The following COL14A1 variants were observed in gnomAD, a reference collection of about 807,000 sequenced individuals.
The protein encoded by COL14A1 is collagen type XIV alpha 1 chain.
In COL14A1, 136 loss-of-function variants were observed where a neutral mutation model predicts 230.3. That is an observed-to-expected ratio of 0.59 (90% CI 0.51 to 0.68). COL14A1 has a LOEUF of 0.68. Among genes scored for constraint, COL14A1 ranks in the 30% least tolerant of loss-of-function variants. COL14A1 has a pLI of 0.00. For synonymous variants in COL14A1, 792 were observed against 784.1 expected (o/e 1.01, Z -0.17); for missense variants, 1,976 against 2,215.8 (o/e 0.89, Z 2.17).
At chr8:120,173,564 C>CATCTATCTATCTATCTATCTATCTATCT (rs71306871) in intron 5 of COL14A1, among the ~76,000 whole-genome samples, 9,459 of 149,180 alleles carry the variant, frequency 0.063, 432 homozygotes, top group East Asian at 0.13. Flanking sequence ...AGCAATCAAT[C>CATCTATCTATCTATCTATCTATCTATCT]ATCTATCTAT....
intron 5 of COL14A1, among the ~76,000 whole-genome samples, chr8:120,176,583 A>G (rs542384158): frequency 6.6e-6 from 1 of 152,206 alleles, no homozygotes; most frequent in East Asian, 1.9e-4. Context: ...TAAAAATGGG[A>G]CTGTTAGGGT....
intron 14 of COL14A1, 104 bp from the exon 15 acceptor site, chr8:120,224,984 T>A (rs1818049346): frequency 9.9e-7 from 1 of 1,014,992 alleles, no homozygotes; most frequent in Middle Eastern, 3.3e-4. Flanking sequence ...TGTTTTGCAG[T>A]GTTTATAGCT....
chr8:120,222,986 T>A (rs1011751298), intron 14 of COL14A1, among the ~76,000 whole-genome samples: 1 of 152,184 alleles, frequency 6.6e-6, no homozygotes, highest in African/African-American at 2.4e-5. Context: ...GAGGTGATAG[T>A]TAAGCATAGT....
chr8:120,371,072 C>T, intron 47 of COL14A1, 80 bp from the exon 48 acceptor site: 1 of 1,266,244 alleles, frequency 7.9e-7, no homozygotes, highest in Non-Finnish European at 1.1e-6. Flanking sequence ...CTCTGTGTCT[C>T]TAAGGACCCA....
intron 5 of COL14A1, among the ~76,000 whole-genome samples, chr8:120,185,650 T>C (rs1227628737): frequency 6.6e-6 from 1 of 152,056 alleles, no homozygotes; most frequent in Non-Finnish European, 1.5e-5. Context: ...GGTAACAGAG[T>C]GAGACCCTGT....
chr8:120,216,635 A>G (rs1817759952), intron 14 of COL14A1, 145 bp downstream of exon 14: 4 of 859,890 alleles, frequency 4.7e-6, no homozygotes, highest in Non-Finnish European at 6.7e-6. Context: ...TAGGTCAGGA[A>G]TTGGGGTGTG....
At chr8:120,330,310 C>T (rs1821820218) in intron 40 of COL14A1, among the ~76,000 whole-genome samples, 1 of 152,144 alleles carries the variant, frequency 6.6e-6, no homozygotes, top group African/African-American at 2.4e-5. Flanking sequence ...CCTCCACACT[C>T]GTCCTACCCC....
intron 5 of COL14A1, among the ~76,000 whole-genome samples, chr8:120,169,280 A>G (rs1816025137): frequency 6.6e-6 from 1 of 152,216 alleles, no homozygotes; most frequent in African/African-American, 2.4e-5. Flanking sequence ...AGATTGCCAA[A>G]TTGATAGATG....
intron 23 of COL14A1, among the ~76,000 whole-genome samples, chr8:120,260,928 G>A (rs1272349850): frequency 2.0e-5 from 3 of 152,104 alleles, no homozygotes; most frequent in African/African-American, 4.8e-5. Flanking sequence ...TTAAAGCAAC[G>A]TCCTCTGAAA....
intron 5 of COL14A1, among the ~76,000 whole-genome samples, chr8:120,191,945 A>C (rs1001427365): frequency 6.6e-5 from 10 of 151,916 alleles, no homozygotes; most frequent in African/African-American, 2.2e-4. Flanking sequence ...ATGTCTCTGC[A>C]CGTGAGATGG....
At chr8:120,323,491 C>T (rs1159547215) in intron 40 of COL14A1, among the ~76,000 whole-genome samples, 5 of 151,976 alleles carry the variant, frequency 3.3e-5, no homozygotes, top group South Asian at 2.1e-4. Context: ...AATCTTTGCC[C>T]GCTCCTATGT....
intron 14 of COL14A1, 90 bp from the exon 15 acceptor site, chr8:120,224,998 C>A: frequency 8.1e-7 from 1 of 1,240,474 alleles, no homozygotes; most frequent in Non-Finnish European, 1.1e-6. Flanking sequence ...TATAGCTTTG[C>A]TGTCAGCTAA....
chr8:120,264,883 CT>C (rs1279831251), intron 24 of COL14A1, among the ~76,000 whole-genome samples: 5 of 152,138 alleles, frequency 3.3e-5, no homozygotes, highest in Admixed American at 1.3e-4. Flanking sequence ...TTTAGGACCC[CT>C]GATCTACTTT....
At chr8:120,293,930 A>G (rs942744969) in intron 34 of COL14A1, among the ~76,000 whole-genome samples, 1 of 151,884 alleles carries the variant, frequency 6.6e-6, no homozygotes, top group African/African-American at 2.4e-5. Context: ...CAATAAATTG[A>G]TTGAAAACAA....
rs1427656323 is a variant in COL14A1, at chr8:120,168,234, A to T, written c.423A>T (p.Pro141=). Residue 141 remains proline, a synonymous_variant, in exon 5 of 48, where the codon CCA becomes CCT. Coordinates refer to ENST00000297848, the MANE Select transcript of COL14A1 (RefSeq NM_021110.4). The stretch of plus-strand genomic sequence containing the variant: ...TGGACAGAGGAAATGGGAGTAGACC[A>T]TCTTCACCAGAAGGTCAGAGACGAT... ...KVVDRGNGSR[P]SSPEEVKFVC... The T allele has an allele frequency of 6.2e-7, 1 of 1,609,972 alleles. No homozygotes were observed. Among genetic ancestry groups the T allele is most frequent in the South Asian group, 1.1e-5 (1 of 90,654 alleles).
At chr8:120,361,052 C>T (rs554215478) in intron 45 of COL14A1, among the ~76,000 whole-genome samples, 123 of 151,952 alleles carry the variant, frequency 8.1e-4, no homozygotes, top group African/African-American at 2.8e-3. Flanking sequence ...AGGCTCTGGG[C>T]TCCAGTCACA....
chr8:120,158,509 A>G (rs1815554708), intron 3 of COL14A1, among the ~76,000 whole-genome samples: 1 of 152,350 alleles, frequency 6.6e-6, no homozygotes, highest in East Asian at 1.9e-4. Context: ...TAAAATGAAT[A>G]CTTTGAATTC....
At chr8:120,205,605 C>A (rs1255545148) in intron 9 of COL14A1, among the ~76,000 whole-genome samples, 1 of 152,150 alleles carries the variant, frequency 6.6e-6, no homozygotes, top group African/African-American at 2.4e-5. Flanking sequence ...ATGGTTCTTT[C>A]TGGCTACATG....
At chr8:120,167,956 T>G (rs537457740) in intron 4 of COL14A1, among the ~76,000 whole-genome samples, 2 of 152,184 alleles carry the variant, frequency 1.3e-5, no homozygotes, top group Non-Finnish European at 2.9e-5. Flanking sequence ...CCAAAGTAAT[T>G]CCTTAAGTGT....
Sources: gnomAD v4.1 joint callset for allele counts (sites outside exome capture counted in the v4.1 genomes callset) on GRCh38, gnomAD v4.1.1 for gene constraint, MANE v1.5 for transcripts, NCBI Gene and HGNC (gene_info 2026-07-23, HGNC 2026-07-21) for gene names.